DLGAP1: variants seen among roughly 807,000 people sequenced by gnomAD.
DLGAP1 encodes the protein DLG associated protein 1.
A neutral mutation model predicts 90.8 loss-of-function variants in DLGAP1; 11 were observed. That is an observed-to-expected ratio of 0.12 (90% CI 0.08 to 0.20). The LOEUF (loss-of-function observed/expected upper bound fraction) is 0.20. DLGAP1 is among the 10% of genes least tolerant of loss of function. The pLI is 1.00. For synonymous variants in DLGAP1, 558 were observed against 540.7 expected (o/e 1.03, Z -0.44); for missense variants, 1,050 against 1,333.8 (o/e 0.79, Z 3.31).
chr18:3,610,882 C>CT (rs368972569), intron 7 of DLGAP1, among the ~76,000 whole-genome samples: 79,327 of 145,478 alleles, frequency 0.55, 21,573 homozygotes, highest in South Asian at 0.58. Flanking sequence ...ACTGTATGGT[C>CT]TTTTTTTTTT....
chr18:3,557,358 A>T (rs905392433), intron 9 of DLGAP1, among the ~76,000 whole-genome samples: 2 of 151,938 alleles, frequency 1.3e-5, no homozygotes. Context: ...CGTCTCTACT[A>T]AAAAAATATA....
intron 7 of DLGAP1, among the ~76,000 whole-genome samples, chr18:3,724,104 C>T (rs760888633): frequency 1.3e-5 from 2 of 152,122 alleles, no homozygotes; most frequent in African/African-American, 2.4e-5. Context: ...GTGGGAGGAT[C>T]ACTTGAACTC....
intron 4 of DLGAP1, among the ~76,000 whole-genome samples, chr18:3,859,828 C>T (rs958602334): frequency 3.9e-5 from 6 of 152,082 alleles, no homozygotes; most frequent in Non-Finnish European, 7.4e-5. Flanking sequence ...GGGCCAGGCA[C>T]GGTGGCTCAC....
intron 3 of DLGAP1, among the ~76,000 whole-genome samples, chr18:3,998,917 T>G (rs2074124332): frequency 6.6e-6 from 1 of 152,270 alleles, no homozygotes; most frequent in South Asian, 2.1e-4. Context: ...AATAGTCCCT[T>G]TGGTGCTGTT....
chr18:4,247,713 G>T (rs1366312987), intron 1 of DLGAP1, among the ~76,000 whole-genome samples: 1 of 152,022 alleles, frequency 6.6e-6, no homozygotes, highest in African/African-American at 2.4e-5. Context: ...GGAGATGGAG[G>T]TTGCAGTGAG....
chr18:3,658,101 C>T (rs2059566123), intron 7 of DLGAP1, among the ~76,000 whole-genome samples: 2 of 151,922 alleles, frequency 1.3e-5, no homozygotes, highest in African/African-American at 2.4e-5. Flanking sequence ...ATGTCAGTAC[C>T]CATACCATGG....
At chr18:3,936,144 T>C (rs1273551332) in intron 3 of DLGAP1, among the ~76,000 whole-genome samples, 1 of 152,190 alleles carries the variant, frequency 6.6e-6, no homozygotes, top group Admixed American at 6.5e-5. Flanking sequence ...ATCAGCCTCC[T>C]ACTACTCTTT....
intron 1 of DLGAP1, among the ~76,000 whole-genome samples, chr18:4,308,708 T>A (rs922938247): frequency 6.6e-6 from 1 of 152,168 alleles, no homozygotes; most frequent in Admixed American, 6.5e-5. Context: ...GAGACTCAAG[T>A]AGGAAAGGGG....
chr18:3,646,828 A>C (rs113943683), intron 7 of DLGAP1, among the ~76,000 whole-genome samples: 2 of 151,826 alleles, frequency 1.3e-5, no homozygotes, highest in African/African-American at 4.8e-5. Context: ...GGGAGGCTGA[A>C]GCAGGAGAAT....
At position 3,517,905 on chromosome 18, in the gene DLGAP1, C is replaced by T. The variant is rs647274; in HGVS notation, c.2480-9244G>A. 0.73 allele frequency among the ~76,000 whole-genome samples: 111,296 copies of T among 151,782 alleles called. 40,925 individuals are homozygous for T. Among genetic ancestry groups the T allele is most frequent in the Admixed American group, 0.8 (12,269 of 15,260 alleles). ...TGTTGTGCCTGGTTTGTTCTTCTCTCCAGACCACTCAAACTTCATCCATAT... is the reference window on the plus strand; with the variant it reads ...TGTTGTGCCTGGTTTGTTCTTCTCTTCAGACCACTCAAACTTCATCCATAT... On this transcript the variant is annotated intron_variant, in intron 10 of 12. Transcript: ENST00000315677. The surrounding 1 kb of genome is among the most constrained non-coding windows in gnomAD (Gnocchi z 4.1).
intron 4 of DLGAP1, among the ~76,000 whole-genome samples, chr18:3,862,517 G>A (rs556283672): frequency 1.6e-4 from 24 of 149,256 alleles, no homozygotes; most frequent in African/African-American, 5.7e-4. Flanking sequence ...CTGATGGTGA[G>A]GGAGGTACAA....
chr18:3,504,687 T>C (rs955961947), intron 11 of DLGAP1, among the ~76,000 whole-genome samples: 4 of 152,164 alleles, frequency 2.6e-5, no homozygotes, highest in Non-Finnish European at 5.9e-5. Flanking sequence ...CCCGCCAGTG[T>C]TTTCTTGAAT....
At chr18:3,928,748 C>T (rs1204878789) in intron 3 of DLGAP1, among the ~76,000 whole-genome samples, 3 of 152,176 alleles carry the variant, frequency 2.0e-5, no homozygotes, top group South Asian at 2.1e-4. Context: ...CCCCAGAGTA[C>T]AGATCCTCAT....
At chr18:3,728,920 T>G (rs1318324692) in intron 7 of DLGAP1, among the ~76,000 whole-genome samples, 1 of 152,116 alleles carries the variant, frequency 6.6e-6, no homozygotes, top group Non-Finnish European at 1.5e-5. Context: ...CAGTTTCCCC[T>G]GTGGATGCCA....
At chr18:3,738,815 A>T (rs1227337641) in intron 6 of DLGAP1, among the ~76,000 whole-genome samples, 1 of 149,312 alleles carries the variant, frequency 6.7e-6, no homozygotes. Context: ...CAGCAAAAGA[A>T]ACTACCATCA....
chr18:4,352,218 C>T (rs2081417645), intron 1 of DLGAP1, among the ~76,000 whole-genome samples: 1 of 152,182 alleles, frequency 6.6e-6, no homozygotes. Context: ...AGCATCATAT[C>T]AGGCTTCTAG....
At position 4,077,404 on chromosome 18, in the gene DLGAP1, T is replaced by C. The variant is rs560694583; in HGVS notation, c.-158-72203A>G. Among the ~76,000 whole-genome samples, 8 of 152,256 alleles carry C rather than the reference T, an allele frequency of 5.3e-5. No individual in the cohort carries two copies. In the South Asian group the frequency reaches 1.5e-3, roughly 28 times the overall value. On this transcript the variant is annotated intron_variant, in intron 2 of 12. Transcript: ENST00000315677. Reference sequence around the variant, plus strand: ...CCCCACCAAACCTCCTACTGAAATTTGGTCCCCAGTGTCAGAGGTGGTGCT... The same window carrying C: ...CCCCACCAAACCTCCTACTGAAATTCGGTCCCCAGTGTCAGAGGTGGTGCT...
intron 10 of DLGAP1, among the ~76,000 whole-genome samples, chr18:3,525,500 A>G (rs1320420318): frequency 6.6e-6 from 1 of 152,138 alleles, no homozygotes; most frequent in African/African-American, 2.4e-5. Context: ...CCTGGGTTCA[A>G]GCAGTTCTCC....
chr18:3,656,607 T>A (rs1791397), intron 7 of DLGAP1, among the ~76,000 whole-genome samples: 1 of 151,978 alleles, frequency 6.6e-6, no homozygotes, highest in Non-Finnish European at 1.5e-5. Context: ...GCCAGAGCCC[T>A]TTTCTTGGTC....
Sources: gnomAD v4.1 joint callset for allele counts (sites outside exome capture counted in the v4.1 genomes callset) on GRCh38, gnomAD v4.1.1 for gene constraint, Gnocchi (gnomAD v3.1) non-coding constraint, MANE v1.5 for transcripts, NCBI Gene and HGNC (gene_info 2026-07-23, HGNC 2026-07-21) for gene names.